SEM1: variants seen among roughly 807,000 people sequenced by gnomAD.
SEM1 encodes the protein SEM1 26S proteasome subunit, also known as 26S proteasome complex subunit SEM1.
A neutral mutation model predicts 12.7 loss-of-function variants in SEM1; 3 were observed. That is an observed-to-expected ratio of 0.24 (90% CI 0.11 to 0.61). The LOEUF (loss-of-function observed/expected upper bound fraction) is 0.61, where lower values mean the gene tolerates loss of function less well. SEM1 is among the 20% of genes least tolerant of loss of function. The pLI is 0.88. For missense variants in SEM1, 59 were observed against 81.3 expected, an observed-to-expected ratio of 0.73 and a Z score of 1.06; for synonymous variants, 30 against 27.8, an observed-to-expected ratio of 1.08 and a Z score of -0.25.
intron 2 of SEM1, among the ~76,000 whole-genome samples, chr7:96,597,694 TAC>T (rs917519434): frequency 9.0e-4 from 84 of 92,834 alleles, no homozygotes; most frequent in African/African-American, 2.5e-3. Context: ...TATATATATA[TAC>T]ACACACACAC....
At chr7:96,485,037 G>T (rs775356898) in intron 2 of SEM1, among the ~76,000 whole-genome samples, 1 of 152,124 alleles carries the variant, frequency 6.6e-6, no homozygotes, top group Admixed American at 6.6e-5. Context: ...AAAGTGTCAG[G>T]CCTGTGCACT....
chr7:96,703,297 C>A (rs1376359145), intron 1 of SEM1, among the ~76,000 whole-genome samples: 3 of 152,132 alleles, frequency 2.0e-5, no homozygotes, highest in Non-Finnish European at 4.4e-5. Flanking sequence ...GCGTTAATTT[C>A]CTGATTTTGA....
chr7:96,585,641 C>G (rs562230559), intron 2 of SEM1, among the ~76,000 whole-genome samples: 1 of 152,230 alleles, frequency 6.6e-6, no homozygotes. Flanking sequence ...TAGGACCCTC[C>G]GAGCCAGGTG....
At chr7:96,688,713 T>C (rs1479129629), downstream of SEM1, 7 of 439,198 alleles carry the variant, frequency 1.6e-5, no homozygotes, top group Admixed American at 1.3e-4. Context: ...TGGAAAATCA[T>C]GACAAGAAAA....
At chr7:96,535,288 A>G (rs1804753279) in intron 2 of SEM1, among the ~76,000 whole-genome samples, 1 of 151,940 alleles carries the variant, frequency 6.6e-6, no homozygotes, top group Non-Finnish European at 1.5e-5. Context: ...ATTTTTCAGT[A>G]TGTTGAATAT....
At chr7:96,531,649 T>C (rs1584742103) in intron 2 of SEM1, among the ~76,000 whole-genome samples, 1 of 151,100 alleles carries the variant, frequency 6.6e-6, no homozygotes, top group African/African-American at 2.4e-5. Flanking sequence ...TATTCATATG[T>C]CTATCAATCT....
At chr7:96,690,514 C>T (rs2115828398) in intron 2 of SEM1, among the ~76,000 whole-genome samples, 1 of 152,186 alleles carries the variant, frequency 6.6e-6, no homozygotes, top group East Asian at 1.9e-4. Context: ...AACAAAAACA[C>T]TAATAATCAT....
intron 2 of SEM1, among the ~76,000 whole-genome samples, chr7:96,537,411 A>C (rs1174850350): frequency 6.6e-6 from 1 of 151,724 alleles, no homozygotes; most frequent in Non-Finnish European, 1.5e-5. Flanking sequence ...TTCTTCCTGA[A>C]GAAATCTTAA....
chr7:96,650,214 A>AT (rs1808928533), intron 2 of SEM1: 2 of 371,780 alleles, frequency 5.4e-6, no homozygotes, highest in Non-Finnish European at 9.6e-6. Context: ...CCACAAAAAT[A>AT]TTTTTTCCTA....
chr7:96,698,301 G>T (rs1174503101), intron 1 of SEM1, among the ~76,000 whole-genome samples: 1 of 152,000 alleles, frequency 6.6e-6, no homozygotes, highest in Admixed American at 6.6e-5. Context: ...GAATGTACAG[G>T]TCCGTTACAT....
chr7:96,615,241 C>CTTTTTTTTTTTTTTTTTTTTTTTT (rs60940244), intron 2 of SEM1, among the ~76,000 whole-genome samples: 6 of 126,460 alleles, frequency 4.7e-5, no homozygotes, highest in African/African-American at 1.9e-4. Context: ...TTTGAGTCAT[C>CTTTTTTTTTTTTTTTTTTTTTTTT]TTTTTTTTTT....
chr7:96,581,706 C>A (rs1427349438), intron 2 of SEM1, among the ~76,000 whole-genome samples: 1 of 152,032 alleles, frequency 6.6e-6, no homozygotes, highest in African/African-American at 2.4e-5. Context: ...AAGTTGGATT[C>A]CTAGGTATTT....
chr7:96,542,336 C>T (rs7786962), intron 2 of SEM1, among the ~76,000 whole-genome samples: 1 of 151,442 alleles, frequency 6.6e-6, no homozygotes, highest in African/African-American at 2.4e-5. Context: ...TACATATATT[C>T]TTAGGTATTT....
intron 3 of SEM1, among the ~76,000 whole-genome samples, chr7:96,501,515 T>G (rs1274097707): frequency 6.6e-6 from 1 of 152,104 alleles, no homozygotes; most frequent in Non-Finnish European, 1.5e-5. Flanking sequence ...ACAAAGTTAT[T>G]GAATTCAATG....
intron 2 of SEM1, among the ~76,000 whole-genome samples, chr7:96,540,367 A>T (rs1804907885): frequency 6.6e-6 from 1 of 151,818 alleles, no homozygotes; most frequent in Admixed American, 6.6e-5. Context: ...AAAATCAAAC[A>T]AATTAAAATA....
chr7:96,554,544 G>A (rs1409630476), intron 2 of SEM1, among the ~76,000 whole-genome samples: 1 of 147,998 alleles, frequency 6.8e-6, no homozygotes, highest in Admixed American at 6.8e-5. Flanking sequence ...CAGGGATGAA[G>A]CCCACTTGAT....
intron 2 of SEM1, among the ~76,000 whole-genome samples, chr7:96,587,761 A>G (rs962780717): frequency 6.6e-6 from 1 of 152,110 alleles, no homozygotes; most frequent in African/African-American, 2.4e-5. Flanking sequence ...TTTATGGTAA[A>G]ATAACATATT....
chr7:96,705,769 G>A (rs377265440), intron 1 of SEM1, among the ~76,000 whole-genome samples: 15 of 151,178 alleles, frequency 9.9e-5, no homozygotes, highest in Admixed American at 2.0e-4. Context: ...GCAGTGAGCC[G>A]AGATTGCGCC....
chr7:96,673,625 C>T, exon 3 of SEM1: 1 of 642,120 alleles, frequency 1.6e-6, no homozygotes, highest in African/African-American at 1.8e-5. Flanking sequence ...AATGCTGTAG[C>T]ACCACCCCAC....
Sources: gnomAD v4.1 joint callset for allele counts (sites outside exome capture counted in the v4.1 genomes callset) on GRCh38, gnomAD v4.1.1 for gene constraint, MANE v1.5 for transcripts, NCBI Gene and HGNC (gene_info 2026-07-23, HGNC 2026-07-21) for gene names.